Variants in NOS2 observed in about 807,000 individuals in gnomAD.
The protein encoded by NOS2 is nitric oxide synthase 2, also known as nitric oxide synthase, inducible.
A neutral mutation model predicts 136.0 loss-of-function variants in NOS2; 96 were observed. The ratio of observed to expected loss-of-function variants is 0.71; its 90% CI spans 0.60 to 0.84. NOS2 has a LOEUF of 0.84. Among genes scored for constraint, NOS2 ranks in the 40% least tolerant of loss-of-function variants. The pLI is 0.00. For missense variants in NOS2, 1,237 were observed against 1,496.9 expected, an observed-to-expected ratio of 0.83 and a Z score of 2.87; for synonymous variants, 539 against 587.5, an observed-to-expected ratio of 0.92 and a Z score of 1.20.
chr17:27,778,686 A>G lies in NOS2; in HGVS notation c.1281+4T>C. ...TCTTCAGACTCACAAAACTCCAGAC[A>G]TACCTGGAAACTATGGAGCACAGCA... On this transcript the variant is annotated splice_donor_region_variant and intron_variant, in intron 11 of 26. Coordinates refer to ENST00000313735, the MANE Select transcript of NOS2 (RefSeq NM_000625.4). The G allele has an allele frequency of 1.9e-6, 3 of 1,612,502 alleles. No homozygotes were observed. Among genetic ancestry groups the G allele is most frequent in the East Asian group, 2.2e-5 (1 of 44,884 alleles).
intron 11 of NOS2, among the ~76,000 whole-genome samples, chr17:27,775,556 C>G (rs752025524): frequency 1.3e-5 from 2 of 152,024 alleles, no homozygotes; most frequent in Non-Finnish European, 2.9e-5. Flanking sequence ...GAGCCGAGAT[C>G]GCACCACTGC....
At chr17:27,793,687 T>C (rs1909264623) in intron 2 of NOS2, 2 of 395,514 alleles carry the variant, frequency 5.1e-6, no homozygotes, top group African/African-American at 2.1e-5. Flanking sequence ...GCCCAGCCCC[T>C]CGCGCATGGC....
Position 27,774,337 on chromosome 17 carries a change from G to A in NOS2, c.1396C>T (p.Pro466Ser). 4 of 1,585,818 alleles carry A rather than the reference G, an allele frequency of 2.5e-6. No individual in the cohort carries two copies. The highest frequency in any genetic ancestry group is 1.7e-6 in the Non-Finnish European group (2 of 1,166,268). ...GCPADWIWLV[P>S]PMSGSITPVF... is the part of the protein sequence containing the mutation. ...GGGGTGATGCTCCCAGACATGGGAG[G>A]GACCAGCCAAATCCAGTCTGCCGGG... Residue 466 changes from proline to serine, a missense_variant, in exon 12 of 27, where the codon CCT (proline) becomes TCT (serine). Coordinates refer to ENST00000313735, the MANE Select transcript of NOS2 (RefSeq NM_000625.4).
chr17:27,775,212 C>T (rs1481082785), intron 11 of NOS2, among the ~76,000 whole-genome samples: 1 of 152,208 alleles, frequency 6.6e-6, no homozygotes, highest in Non-Finnish European at 1.5e-5. Flanking sequence ...GTAATCCTAG[C>T]ACTTTGGGAG....
intron 21 of NOS2, among the ~76,000 whole-genome samples, 200 bp from the exon 22 acceptor site, chr17:27,763,205 T>A (rs952422594): frequency 6.6e-6 from 1 of 152,214 alleles, no homozygotes; most frequent in Non-Finnish European, 1.5e-5. Flanking sequence ...AGTACATTTA[T>A]CTAACTTGTG....
chr17:27,789,526 A>T, intron 3 of NOS2, 78 bp downstream of exon 3: 1 of 1,141,410 alleles, frequency 8.8e-7, no homozygotes, highest in Non-Finnish European at 1.3e-6. Flanking sequence ...TCTCCAGCCC[A>T]GCTCTAACAG....
chr17:27,758,813 C>T, intron 26 of NOS2, 68 bp downstream of exon 26: 1 of 1,211,332 alleles, frequency 8.3e-7, no homozygotes, highest in South Asian at 1.9e-5. Flanking sequence ...TACCTGCCAC[C>T]CCTGGTCCTG....
intron 8 of NOS2, 56 bp from the exon 9 acceptor site, chr17:27,780,962 G>T (rs933113827): frequency 6.3e-7 from 1 of 1,599,116 alleles, no homozygotes; most frequent in Admixed American, 1.7e-5. Flanking sequence ...TGTCTCCTCT[G>T]GGCTCCACTC....
chr17:27,766,631 G>C (rs766387476), intron 18 of NOS2, 43 bp from the exon 19 acceptor site: 1 of 1,528,300 alleles, frequency 6.5e-7, no homozygotes, highest in South Asian at 1.1e-5. Context: ...AGTGGTTCTT[G>C]AGCGTAGGTA....
At chr17:27,770,603 T>G (rs1478244950) in intron 15 of NOS2, among the ~76,000 whole-genome samples, 1 of 152,230 alleles carries the variant, frequency 6.6e-6, no homozygotes, top group Non-Finnish European at 1.5e-5. Context: ...TAACTTCATT[T>G]TGTTTTCATT....
intron 2 of NOS2, among the ~76,000 whole-genome samples, chr17:27,794,546 GAACCC>G (rs1439525102): frequency 1.3e-5 from 2 of 152,142 alleles, no homozygotes; most frequent in African/African-American, 4.8e-5. Flanking sequence ...ATTAAATCCC[GAACCC>G]CAGTTAAAGC....
At chr17:27,773,404 G>T (rs563639556) in intron 12 of NOS2, among the ~76,000 whole-genome samples, 161 bp from the exon 13 acceptor site, 53 of 152,242 alleles carry the variant, frequency 3.5e-4, no homozygotes, top group Admixed American at 5.9e-4. Flanking sequence ...AGGGAGGGCC[G>T]TGGCTGCCTC....
chr17:27,769,514 G>A, intron 16 of NOS2, 21 bp downstream of exon 16: 2 of 1,609,178 alleles, frequency 1.2e-6, no homozygotes, highest in Non-Finnish European at 1.7e-6. Context: ...GCTAGGAGTA[G>A]GACAACGGAA....
At chr17:27,795,047 T>G (rs1444342723) in intron 2 of NOS2, among the ~76,000 whole-genome samples, 1 of 151,672 alleles carries the variant, frequency 6.6e-6, no homozygotes, top group Non-Finnish European at 1.5e-5. Flanking sequence ...CAGAGGCCTC[T>G]AGCACGGTCC....
intron 18 of NOS2, among the ~76,000 whole-genome samples, chr17:27,767,311 G>C (rs544023219): frequency 6.6e-6 from 1 of 152,368 alleles, no homozygotes; most frequent in Admixed American, 6.5e-5. Context: ...TTCGCAGCTG[G>C]AAGGCTGGGG....
chr17:27,766,644 G>T, intron 18 of NOS2, 56 bp from the exon 19 acceptor site: 1 of 1,415,286 alleles, frequency 7.1e-7, no homozygotes, highest in Non-Finnish European at 1.0e-6. Context: ...CGTAGGTAGG[G>T]GAAGCCCCCA....
intron 14 of NOS2, 85 bp from the exon 15 acceptor site, chr17:27,771,102 C>T (rs1346051298): frequency 2.1e-6 from 2 of 936,222 alleles, no homozygotes; most frequent in African/African-American, 3.2e-5. Flanking sequence ...CTTCCTCCCA[C>T]ACTGCCCCCA....
intron 20 of NOS2, among the ~76,000 whole-genome samples, chr17:27,764,906 C>T (rs2041477491): frequency 6.6e-6 from 1 of 152,228 alleles, no homozygotes; most frequent in Non-Finnish European, 1.5e-5. Context: ...ACTGTCTTGT[C>T]GTCCCCACGT....
At chr17:27,769,909 C>T (rs1278095681) in intron 15 of NOS2, among the ~76,000 whole-genome samples, 5 of 152,154 alleles carry the variant, frequency 3.3e-5, no homozygotes, top group Non-Finnish European at 5.9e-5. Context: ...CCGAATGCGC[C>T]GTGATTCTGT....
Sources: allele counts gnomAD v4.1 joint callset (sites outside exome capture counted in the v4.1 genomes callset), GRCh38; gene constraint gnomAD v4.1.1; transcripts MANE v1.5; gene names NCBI Gene and HGNC (gene_info 2026-07-23, HGNC 2026-07-21).